UBAP1: variants seen among roughly 807,000 people sequenced by gnomAD.
UBAP1 encodes the protein ubiquitin associated protein 1, also known as ubiquitin-associated protein 1.
In UBAP1, 5 loss-of-function variants were observed where a neutral mutation model predicts 39.0. The ratio of observed to expected loss-of-function variants is 0.13; its 90% CI spans 0.07 to 0.27. UBAP1 has a LOEUF of 0.27. Ranked by LOEUF, UBAP1 falls within the 10% of genes least tolerant of loss-of-function variation. UBAP1 has a pLI of 1.00. For synonymous variants in UBAP1, 211 were observed against 225.1 expected (o/e 0.94, Z 0.56); for missense variants, 490 against 608.1 (o/e 0.81, Z 2.04).
At chr9:34,189,336 G>A (rs1222158933) in intron 1 of UBAP1, among the ~76,000 whole-genome samples, 2 of 151,622 alleles carry the variant, frequency 1.3e-5, no homozygotes, top group Non-Finnish European at 2.9e-5. Context: ...TTACAGGCAC[G>A]TGCCACCATG....
At chr9:34,188,459 A>C (rs1830537069) in intron 1 of UBAP1, among the ~76,000 whole-genome samples, 1 of 121,072 alleles carries the variant, frequency 8.3e-6, no homozygotes, top group Admixed American at 1.0e-4. Context: ...AAGAGATGGG[A>C]TCTTGCCCTG....
chr9:34,207,052 T>C (rs1277681567), intron 1 of UBAP1, among the ~76,000 whole-genome samples: 4 of 142,426 alleles, frequency 2.8e-5, no homozygotes, highest in Admixed American at 7.0e-5. Context: ...TTATTTCTTT[T>C]TTTTTTTTTT....
intron 1 of UBAP1, among the ~76,000 whole-genome samples, chr9:34,216,204 AT>A (rs939289890): frequency 4.0e-5 from 6 of 150,572 alleles, no homozygotes; most frequent in African/African-American, 1.5e-4. Flanking sequence ...TTGTAATTTA[AT>A]TTAAAAAAAA....
chr9:34,204,597 A>G (rs530663117), intron 1 of UBAP1, among the ~76,000 whole-genome samples: 41 of 152,106 alleles, frequency 2.7e-4, no homozygotes, highest in Non-Finnish European at 5.3e-4. Context: ...AAAATAATCT[A>G]TCTCTAGTCC....
chr9:34,229,274 T>C (rs11795310), intron 2 of UBAP1, among the ~76,000 whole-genome samples: 4 of 151,958 alleles, frequency 2.6e-5, no homozygotes, highest in Admixed American at 1.3e-4. Context: ...TTTTTTTTTT[T>C]TGAGATGGAG....
At chr9:34,199,453 A>G (rs1831243226) in intron 1 of UBAP1, among the ~76,000 whole-genome samples, 1 of 152,134 alleles carries the variant, frequency 6.6e-6, no homozygotes, top group Admixed American at 6.6e-5. Flanking sequence ...ACATTTGTAG[A>G]GATAGTACAG....
chr9:34,226,135 G>GTGTT (rs1587855095), intron 2 of UBAP1, among the ~76,000 whole-genome samples: 4 of 148,042 alleles, frequency 2.7e-5, no homozygotes, highest in East Asian at 2.0e-4. Flanking sequence ...GTGTGTGTGT[G>GTGTT]TGTGTGTGTG....
intron 1 of UBAP1, among the ~76,000 whole-genome samples, chr9:34,202,416 G>A (rs1489698172): frequency 6.6e-6 from 1 of 152,114 alleles, no homozygotes; most frequent in Non-Finnish European, 1.5e-5. Flanking sequence ...GTAGGAGTGA[G>A]CCACCCTGCC....
rs769595844 is a variant in UBAP1 at position 34,199,274 on chromosome 9, C to T, written c.-8+20034C>T. 1.5e-4 allele frequency among the ~76,000 whole-genome samples: 23 copies of T among 152,070 alleles called. No homozygotes were observed. The South Asian group carries it at 2.1e-3, about 14-fold the overall frequency. The stretch of plus-strand genomic sequence containing the variant: ...ATTTTTAGTAGAGATGGGGTTTCAC[C>T]GTATTAGCCAGGATGGTCTCGAACC... On this transcript the variant is annotated intron_variant, in intron 1 of 6. Transcript: ENST00000297661.
At chr9:34,192,464 G>A (rs1206532661) in intron 1 of UBAP1, among the ~76,000 whole-genome samples, 2 of 143,190 alleles carry the variant, frequency 1.4e-5, no homozygotes, top group Non-Finnish European at 3.0e-5. Context: ...GCAGTGAGCC[G>A]AGGTCACGCC....
chr9:34,189,072 T>C (rs1452280538), intron 1 of UBAP1, among the ~76,000 whole-genome samples: 1 of 152,220 alleles, frequency 6.6e-6, no homozygotes, highest in Admixed American at 6.5e-5. Flanking sequence ...GAATGGAATC[T>C]TCCTAATCCT....
chr9:34,221,837 G>A (rs1252646280), intron 2 of UBAP1, among the ~76,000 whole-genome samples: 2 of 152,194 alleles, frequency 1.3e-5, no homozygotes, highest in African/African-American at 4.8e-5. Context: ...GAGGGGAATG[G>A]AGGGAGGTGG....
intron 1 of UBAP1, among the ~76,000 whole-genome samples, chr9:34,189,552 G>A (rs1358865400): frequency 6.6e-6 from 1 of 152,010 alleles, no homozygotes; most frequent in Non-Finnish European, 1.5e-5. Context: ...TGGAATTCAA[G>A]GTCAAATGGT....
chr9:34,209,145 C>T (rs1831882721), intron 1 of UBAP1, among the ~76,000 whole-genome samples: 1 of 152,038 alleles, frequency 6.6e-6, no homozygotes, highest in Non-Finnish European at 1.5e-5. Context: ...ACCATGTTGG[C>T]CAGGCTGGTC....
At chr9:34,212,102 T>C (rs1832050670) in intron 1 of UBAP1, 1 of 281,466 alleles carries the variant, frequency 3.6e-6, no homozygotes, top group Non-Finnish European at 7.3e-6. Context: ...AATAGAAGCA[T>C]ATACTTATTT....
rs921176588 is a variant in UBAP1, at chr9:34,241,842, T to G, written c.817T>G (p.Ser273Ala). 1.2e-6 allele frequency: 2 copies of G among 1,614,010 alleles called. No homozygotes were observed. Among genetic ancestry groups the G allele is most frequent in the African/African-American group, 2.7e-5 (2 of 74,910 alleles). The change falls in exon 4 of 7, where the codon TCT (serine) becomes GCT (alanine). Residue 273 changes from serine (S) to alanine (A), a missense_variant. Ser to Ala is a moderately conservative substitution (Grantham distance 99). This residue lies in a region of UBAP1 where 339 missense variants were observed against 390.0 expected (regional missense o/e 0.87). Transcript: ENST00000297661. ...ATCCCTGTCTTTCCCCAAACTTGAC[T>G]CTGATGACAGCAATCAGAAGACAGC... ...IKSLSFPKLD[S>A]DDSNQKTAKL...
At position 34,251,400 on chromosome 9, in the gene UBAP1, G is replaced by A. The variant is rs1364707764; in HGVS notation, c.1377G>A (p.Glu459=). ...TCTCTTCTCTCCCTTAGATGATGGA[G>A]TTTCTTCAGTTAATGAGCAAATTTA... ...MHQCSEEKMM[E]FLQLMSKFKE... Residue 459 remains glutamate, a synonymous_variant, in exon 7 of 7, where the codon GAG becomes GAA. Transcript: ENST00000297661. The A allele has an allele frequency of 6.2e-7, 1 of 1,614,070 alleles. No homozygotes were observed. Among genetic ancestry groups the A allele is most frequent in the African/African-American group, 1.3e-5 (1 of 74,928 alleles).
intron 1 of UBAP1, among the ~76,000 whole-genome samples, chr9:34,195,937 T>TTTG (rs1831022088): frequency 1.2e-5 from 1 of 82,688 alleles, no homozygotes; most frequent in African/African-American, 4.1e-5. Flanking sequence ...GTTTTTTTTT[T>TTTG]TTTTTTTTTT....
chr9:34,207,633 T>C (rs1831784935), intron 1 of UBAP1, among the ~76,000 whole-genome samples: 1 of 151,030 alleles, frequency 6.6e-6, no homozygotes, highest in Non-Finnish European at 1.5e-5. Flanking sequence ...ATGTTGTGTG[T>C]TTCTCTTATA....
Sources: allele counts gnomAD v4.1 joint callset (sites outside exome capture counted in the v4.1 genomes callset), GRCh38; gene constraint gnomAD v4.1.1; regional missense constraint gnomAD v4.1.1; transcripts MANE v1.5; gene names NCBI Gene and HGNC (gene_info 2026-07-23, HGNC 2026-07-21).